PTPRD: variants seen among roughly 807,000 people sequenced by gnomAD.
PTPRD encodes receptor-type tyrosine-protein phosphatase delta.
Under a neutral mutation model 214.5 loss-of-function variants are expected in PTPRD, and 34 were observed. The ratio of observed to expected loss-of-function variants is 0.16; its 90% CI spans 0.12 to 0.21. PTPRD has a LOEUF of 0.21. Among genes scored for constraint, PTPRD ranks in the 10% least tolerant of loss-of-function variants. The pLI, the probability that PTPRD is intolerant of heterozygous loss-of-function variation, is 1.00. For missense variants in PTPRD, 2,545 were observed against 2,398.7 expected (o/e 1.06, Z -1.27); for synonymous variants, 1,128 against 845.7 (o/e 1.33, Z -5.79).
intron 2 of PTPRD, among the ~76,000 whole-genome samples, chr9:10,517,096 C>G (rs778720879): frequency 1.3e-5 from 2 of 151,832 alleles, no homozygotes; most frequent in Non-Finnish European, 2.9e-5. Context: ...TTTTCTATTT[C>G]ATTAAGAAAT....
chr9:9,941,589 C>G (rs2091461090), intron 4 of PTPRD, among the ~76,000 whole-genome samples: 1 of 152,164 alleles, frequency 6.6e-6, no homozygotes, highest in Non-Finnish European at 1.5e-5. Context: ...TCCCAAAGTG[C>G]TAGGATTACT....
At chr9:10,302,132 A>C (rs1178750681) in intron 3 of PTPRD, among the ~76,000 whole-genome samples, 1 of 152,168 alleles carries the variant, frequency 6.6e-6, no homozygotes, top group Admixed American at 6.5e-5. Context: ...TTCTTAAAGA[A>C]TTTTCAACCC....
At chr9:8,706,288 T>C (rs1331376809) in intron 12 of PTPRD, among the ~76,000 whole-genome samples, 1 of 152,194 alleles carries the variant, frequency 6.6e-6, no homozygotes, top group African/African-American at 2.4e-5. Flanking sequence ...TTGATATTTA[T>C]CCCAAGGTAA....
At chr9:8,529,134 C>T (rs1266717940) in intron 14 of PTPRD, among the ~76,000 whole-genome samples, 2 of 151,970 alleles carry the variant, frequency 1.3e-5, no homozygotes, top group African/African-American at 4.8e-5. Context: ...AGAACACAAT[C>T]GGCCAAGTCA....
chr9:9,048,234 G>A (rs1055522581), intron 10 of PTPRD, among the ~76,000 whole-genome samples: 1 of 152,090 alleles, frequency 6.6e-6, no homozygotes, highest in African/African-American at 2.4e-5. Context: ...ATTACAGAGA[G>A]CAGTTTGGAG....
intron 7 of PTPRD, among the ~76,000 whole-genome samples, chr9:9,713,208 A>C (rs76180700): frequency 0.022 from 3,356 of 152,318 alleles, 74 homozygotes; most frequent in Non-Finnish European, 0.034. Context: ...ATGTGTATTA[A>C]TACAATACTC....
chr9:9,957,187 G>T (rs190428637), intron 4 of PTPRD, among the ~76,000 whole-genome samples: 2 of 152,056 alleles, frequency 1.3e-5, no homozygotes, highest in African/African-American at 4.8e-5. Flanking sequence ...GACACAAAAA[G>T]TGATCCAGAG....
Position 8,828,851 on chromosome 9 carries a change from C to T in PTPRD, c.-103-94905G>A, listed in dbSNP as rs74518224. ...ATTCTCCTCTCCATGTAAACTCAGACAATTCAAGCCATGGCAGATTTGTTA... is the reference window on the plus strand; with the variant it reads ...ATTCTCCTCTCCATGTAAACTCAGATAATTCAAGCCATGGCAGATTTGTTA... On this transcript the variant is annotated intron_variant, in intron 11 of 45. Transcript: ENST00000381196. Among the ~76,000 whole-genome samples, 478 of 152,260 alleles carry T rather than the reference C, an allele frequency of 3.1e-3. 7 individuals are homozygous for T. Among genetic ancestry groups the T allele is most frequent in the East Asian group, 0.023 (121 of 5,164 alleles).
At chr9:9,480,522 AT>A (rs1262870943) in intron 8 of PTPRD, among the ~76,000 whole-genome samples, 1 of 152,156 alleles carries the variant, frequency 6.6e-6, no homozygotes, top group East Asian at 1.9e-4. Context: ...ATGGTGAAAC[AT>A]TTTAAAAAGC....
chr9:10,229,932 T>G (rs2099602996), intron 3 of PTPRD, among the ~76,000 whole-genome samples: 1 of 151,994 alleles, frequency 6.6e-6, no homozygotes, highest in Non-Finnish European at 1.5e-5. Context: ...CAAGCTTATA[T>G]TAAAGAACAA....
At position 9,953,468 on chromosome 9, in the gene PTPRD, T is replaced by A. The variant is rs926175120; in HGVS notation, c.-471-14858A>T. 4.0e-5 allele frequency among the ~76,000 whole-genome samples: 6 copies of A among 149,104 alleles called. No homozygotes were observed. The South Asian group carries it at 6.4e-4, about 16-fold the overall frequency. On this transcript the variant is annotated intron_variant, in intron 4 of 45. Transcript: ENST00000381196. ...CCAAAAGCTACTGAAATAAAAAAAA[T>A]TAAATTAAAATAGAGGGAATTGTGG...
intron 11 of PTPRD, among the ~76,000 whole-genome samples, chr9:9,008,963 T>C (rs2154360850): frequency 6.6e-6 from 1 of 152,278 alleles, no homozygotes. Flanking sequence ...TGATATCATA[T>C]AAATACACTT....
At chr9:10,489,431 AGG>A (rs1288905334) in intron 2 of PTPRD, among the ~76,000 whole-genome samples, 1 of 151,982 alleles carries the variant, frequency 6.6e-6, no homozygotes, top group African/African-American at 2.4e-5. Flanking sequence ...GGGTCAGGGG[AGG>A]GGTGATGACA....
chr9:9,296,860 C>T (rs181237312), intron 9 of PTPRD, among the ~76,000 whole-genome samples: 1 of 151,710 alleles, frequency 6.6e-6, no homozygotes, highest in African/African-American at 2.4e-5. Flanking sequence ...AATCCAAAAG[C>T]AAAGCCTAGA....
chr9:9,242,323 T>C (rs564563670), intron 9 of PTPRD, among the ~76,000 whole-genome samples: 99 of 152,266 alleles, frequency 6.5e-4, no homozygotes, highest in African/African-American at 2.4e-3. Context: ...ATTATGTGTC[T>C]TGGAGCTGCT....
At chr9:9,399,129 A>C (rs1186143624) in intron 8 of PTPRD, among the ~76,000 whole-genome samples, 3 of 152,100 alleles carry the variant, frequency 2.0e-5, no homozygotes, top group African/African-American at 7.2e-5. Context: ...TATTTCATTA[A>C]GAACTTTTCT....
chr9:10,115,061 A>G (rs1486775794), intron 3 of PTPRD, among the ~76,000 whole-genome samples: 1 of 151,876 alleles, frequency 6.6e-6, no homozygotes, highest in Non-Finnish European at 1.5e-5. Flanking sequence ...AAAAACCTTC[A>G]AAGTGCTATC....
intron 35 of PTPRD, among the ~76,000 whole-genome samples, chr9:8,406,919 GGTA>G (rs1397532304): frequency 5.3e-5 from 8 of 152,288 alleles, no homozygotes; most frequent in African/African-American, 1.9e-4. Flanking sequence ...TAAGCTCACT[GGTA>G]TACGTACAGT....
intron 12 of PTPRD, among the ~76,000 whole-genome samples, chr9:8,669,829 C>T (rs1368320218): frequency 6.6e-6 from 1 of 152,116 alleles, no homozygotes. Context: ...TAATGTAGAG[C>T]CTGTGAAGGT....
Sources: gnomAD v4.1 joint callset for allele counts (sites outside exome capture counted in the v4.1 genomes callset) on GRCh38, gnomAD v4.1.1 for gene constraint, MANE v1.5 for transcripts, NCBI Gene and HGNC (gene_info 2026-07-23, HGNC 2026-07-21) for gene names.